RALGAPA1: variants seen among roughly 807,000 people sequenced by gnomAD.
RALGAPA1 encodes ral GTPase-activating protein subunit alpha-1.
A neutral mutation model predicts 269.6 loss-of-function variants in RALGAPA1; 52 were observed. The ratio of observed to expected loss-of-function variants is 0.19; its 90% CI spans 0.15 to 0.24. The LOEUF (loss-of-function observed/expected upper bound fraction) is 0.24, where lower values mean the gene tolerates loss of function less well. Among genes scored for constraint, RALGAPA1 ranks in the 10% least tolerant of loss-of-function variants. RALGAPA1 has a pLI of 1.00. For missense variants in RALGAPA1, 1,917 were observed against 3,013.9 expected (o/e 0.64, Z 8.52); for synonymous variants, 817 against 1,008.3 (o/e 0.81, Z 3.60).
At chr14:35,799,214 TA>T (rs1362115810) in intron 1 of RALGAPA1, among the ~76,000 whole-genome samples, 1 of 152,094 alleles carries the variant, frequency 6.6e-6, no homozygotes, top group Non-Finnish European at 1.5e-5. Context: ...GTTCTTATAC[TA>T]CATGGGAAGT....
chr14:35,577,334 G>A (rs2057638561), intron 37 of RALGAPA1, among the ~76,000 whole-genome samples: 1 of 152,032 alleles, frequency 6.6e-6, no homozygotes, highest in Admixed American at 6.5e-5. Flanking sequence ...GGAAGGTAGG[G>A]AACTCTGGGA....
At chr14:35,749,586 C>T (rs372202073) in intron 9 of RALGAPA1, among the ~76,000 whole-genome samples, 1 of 152,014 alleles carries the variant, frequency 6.6e-6, no homozygotes, top group East Asian at 1.9e-4. Flanking sequence ...TATACCTTTC[C>T]AACCAAAAAC....
At chr14:35,727,053 A>G (rs1021868000) in intron 13 of RALGAPA1, among the ~76,000 whole-genome samples, 16 of 152,140 alleles carry the variant, frequency 1.1e-4, no homozygotes, top group African/African-American at 2.7e-4. Flanking sequence ...ATGCCATTCT[A>G]TTAATACTGT....
intron 31 of RALGAPA1, among the ~76,000 whole-genome samples, chr14:35,645,786 T>C (rs113889070): frequency 1.2e-3 from 183 of 150,826 alleles, no homozygotes; most frequent in African/African-American, 4.0e-3. Flanking sequence ...AGTTCTTAGA[T>C]ACTGATTTCT....
chr14:35,771,842 A>G, intron 3 of RALGAPA1, among the ~76,000 whole-genome samples: 1 of 152,072 alleles, frequency 6.6e-6, no homozygotes, highest in East Asian at 1.9e-4. Context: ...AGCAATTCCT[A>G]GAATTTCTAT....
intron 37 of RALGAPA1, among the ~76,000 whole-genome samples, chr14:35,577,290 T>C (rs944211904): frequency 6.7e-6 from 1 of 149,982 alleles, no homozygotes; most frequent in Non-Finnish European, 1.5e-5. Flanking sequence ...CAAATTCATA[T>C]TGTGAAATCC....
intron 1 of RALGAPA1, among the ~76,000 whole-genome samples, chr14:35,777,185 T>C (rs1050455245): frequency 6.6e-6 from 1 of 152,126 alleles, no homozygotes; most frequent in African/African-American, 2.4e-5. Flanking sequence ...TAAGATACCA[T>C]TTTTAAGTGC....
At chr14:35,655,113 T>G (rs1416658916) in intron 29 of RALGAPA1, among the ~76,000 whole-genome samples, 1 of 152,204 alleles carries the variant, frequency 6.6e-6, no homozygotes, top group Non-Finnish European at 1.5e-5. Flanking sequence ...ATTAATATCT[T>G]GAAGCTAGTA....
intron 1 of RALGAPA1, among the ~76,000 whole-genome samples, chr14:35,806,994 A>C (rs1391730666): frequency 6.6e-6 from 1 of 152,140 alleles, no homozygotes; most frequent in Non-Finnish European, 1.5e-5. Context: ...TATATGTGTG[A>C]CCTCTCTCTT....
chr14:35,586,683 C>T (rs1263047481), intron 37 of RALGAPA1, among the ~76,000 whole-genome samples: 1 of 152,126 alleles, frequency 6.6e-6, no homozygotes, highest in Admixed American at 6.6e-5. Flanking sequence ...TTGTCGAAGG[C>T]CTTTTCTGCA....
intron 16 of RALGAPA1, among the ~76,000 whole-genome samples, chr14:35,721,427 G>A (rs1049304869): frequency 2.6e-5 from 4 of 151,990 alleles, no homozygotes; most frequent in South Asian, 2.1e-4. Flanking sequence ...CTTCAATTCC[G>A]TAAAATAACA....
At position 35,745,438 on chromosome 14, in the gene RALGAPA1, C is replaced by T. The variant is rs150037411; in HGVS notation, c.1252-2873G>A. Among the ~76,000 whole-genome samples, 8 of 151,876 alleles carry T rather than the reference C, an allele frequency of 5.3e-5. No individual in the cohort carries two copies. The East Asian group carries it at 1.6e-3, about 29-fold the overall frequency. On this transcript the variant is annotated intron_variant, in intron 10 of 41. Transcript: ENST00000680220. Reference sequence around the variant, plus strand: ...ACACAGACAGACACACACACACACACACACACACACACAGTATTATCCAGC... The same window carrying T: ...ACACAGACAGACACACACACACACATACACACACACACAGTATTATCCAGC...
chr14:35,651,597 G>A (rs764308574), intron 31 of RALGAPA1, among the ~76,000 whole-genome samples: 4 of 152,128 alleles, frequency 2.6e-5, no homozygotes, highest in Non-Finnish European at 5.9e-5. Flanking sequence ...TTACAATCTT[G>A]AGACTCAAAG....
intron 41 of RALGAPA1, among the ~76,000 whole-genome samples, chr14:35,542,986 T>C (rs1358251058): frequency 2.0e-5 from 3 of 152,226 alleles, no homozygotes; most frequent in African/African-American, 7.2e-5. Context: ...TATGACTGGT[T>C]TAAAGCTGCT....
intron 37 of RALGAPA1, among the ~76,000 whole-genome samples, chr14:35,589,095 AT>A (rs2138881847): frequency 6.6e-6 from 1 of 152,346 alleles, no homozygotes; most frequent in Admixed American, 6.5e-5. Context: ...TCACAATGTC[AT>A]CAATAGGTTC....
intron 40 of RALGAPA1, 47 bp downstream of exon 40, chr14:35,549,063 A>G: frequency 3.7e-6 from 6 of 1,603,726 alleles, no homozygotes; most frequent in Non-Finnish European, 5.1e-6. Context: ...AGGGTACTGC[A>G]TTTCAAGTTC....
At chr14:35,633,370 C>T (rs2061476982) in intron 33 of RALGAPA1, among the ~76,000 whole-genome samples, 1 of 151,992 alleles carries the variant, frequency 6.6e-6, no homozygotes, top group Non-Finnish European at 1.5e-5. Context: ...CTTTATACTG[C>T]TTGTTATACC....
chr14:35,781,502 T>C (rs2075423378), intron 1 of RALGAPA1, among the ~76,000 whole-genome samples: 1 of 151,982 alleles, frequency 6.6e-6, no homozygotes, highest in Non-Finnish European at 1.5e-5. Flanking sequence ...ACAAAAACAT[T>C]ACAAGAAAAA....
At chr14:35,589,935 C>A (rs1295521407) in intron 37 of RALGAPA1, among the ~76,000 whole-genome samples, 1 of 152,118 alleles carries the variant, frequency 6.6e-6, no homozygotes, top group Non-Finnish European at 1.5e-5. Flanking sequence ...CTTGAGCAAT[C>A]CTCCCACCTT....
Sources: allele counts gnomAD v4.1 joint callset (sites outside exome capture counted in the v4.1 genomes callset), GRCh38; gene constraint gnomAD v4.1.1; transcripts MANE v1.5; gene names NCBI Gene and HGNC (gene_info 2026-07-23, HGNC 2026-07-21).